CA8: variants seen among roughly 807,000 people sequenced by gnomAD.
CA8 encodes the protein carbonic anhydrase 8 (inactive), also known as carbonic anhydrase-related protein.
A neutral mutation model predicts 41.4 loss-of-function variants in CA8; 22 were observed. The observed-to-expected ratio is 0.53, with a 90% CI of 0.38 to 0.76. CA8 has a LOEUF of 0.76. Ranked by LOEUF, CA8 falls within the 30% of genes least tolerant of loss-of-function variation. The pLI is 0.00. For missense variants in CA8, 270 were observed against 352.8 expected (o/e 0.77, Z 1.88); for synonymous variants, 121 against 130.6 (o/e 0.93, Z 0.50).
chr8:60,264,733 CA>C (rs1249959234), intron 3 of CA8: 1 of 152,240 alleles, frequency 6.6e-6, no homozygotes. Context: ...TTCTTCTCTC[CA>C]GCCTTAAAAC....
chr8:60,248,226 C>T (rs1335230339), intron 3 of CA8, among the ~76,000 whole-genome samples: 1 of 152,050 alleles, frequency 6.6e-6, no homozygotes, highest in Non-Finnish European at 1.5e-5. Context: ...ATGATACTTT[C>T]TTTTGCTGTA....
Position 60,188,796 on chromosome 8 carries a change from G to C in CA8, c.*1225C>G, listed in dbSNP as rs1195802414. 2.6e-5 allele frequency: 4 copies of C among 152,016 alleles called. No individual in the cohort carries two copies. The highest frequency in any genetic ancestry group is 5.9e-5 in the Non-Finnish European group (4 of 68,002). The allele number at this position is 152,016 out of a possible 1,614,324, so 9.4% of individuals were successfully genotyped here. On this transcript the variant is annotated 3_prime_UTR_variant, in exon 9 of 9. Coordinates refer to ENST00000317995, the MANE Select transcript of CA8 (RefSeq NM_004056.6). ...CTTTGCTTGAATTTCAGGGATATCTGGTGTGATTTTCATTTGTATTTAATG... is the reference window on the plus strand; with the variant it reads ...CTTTGCTTGAATTTCAGGGATATCTCGTGTGATTTTCATTTGTATTTAATG...
chr8:60,223,592 T>C (rs1807323528), intron 6 of CA8, among the ~76,000 whole-genome samples: 1 of 152,234 alleles, frequency 6.6e-6, no homozygotes. Context: ...TGAAAGCCTG[T>C]ATTTTTAACC....
intron 2 of CA8, among the ~76,000 whole-genome samples, chr8:60,277,931 G>C (rs538322276): frequency 1.3e-5 from 2 of 152,144 alleles, no homozygotes; most frequent in Non-Finnish European, 2.9e-5. Context: ...AGGAAAAAAG[G>C]GTTCTGGATC....
At chr8:60,202,112 CG>C (rs1806450475) in intron 8 of CA8, among the ~76,000 whole-genome samples, 2 of 150,826 alleles carry the variant, frequency 1.3e-5, no homozygotes, top group South Asian at 4.2e-4. Flanking sequence ...GGCACGATCT[CG>C]GATCACTGCA....
At chr8:60,233,499 T>C (rs1471706611) in intron 3 of CA8, among the ~76,000 whole-genome samples, 1 of 152,220 alleles carries the variant, frequency 6.6e-6, no homozygotes, top group Non-Finnish European at 1.5e-5. Flanking sequence ...CAGGTCAGGC[T>C]GTGAGGCTGT....
intron 8 of CA8, chr8:60,208,162 T>C (rs1262790167): frequency 6.5e-5 from 10 of 153,362 alleles, no homozygotes; most frequent in Admixed American, 5.2e-4. Context: ...TTGAATTCTA[T>C]ATATTAAAAT....
In CA8 at chr8:60,186,790, TA is replaced by T. The variant is rs58529365; in HGVS notation, c.*3230del. 0.29 allele frequency among the ~76,000 whole-genome samples: 43,278 copies of T among 151,590 alleles called. 6,411 individuals are homozygous for T. Among genetic ancestry groups the T allele is most frequent in the Middle Eastern group, 0.4 (118 of 294 alleles). ...ATATCTGACAAAGTATATATTAAAA[TA>T]AAAAAATGTTACTAGAGATAAAGAA... On this transcript the variant is annotated 3_prime_UTR_variant, in exon 9 of 9. Coordinates refer to ENST00000317995, the MANE Select transcript of CA8 (RefSeq NM_004056.6).
chr8:60,209,453 C>A (rs1254657798), intron 7 of CA8, among the ~76,000 whole-genome samples: 1 of 152,190 alleles, frequency 6.6e-6, no homozygotes, highest in African/African-American at 2.4e-5. Context: ...CCGTTGCACT[C>A]CAGCCTGAGT....
At position 60,247,437 on chromosome 8, in the gene CA8, G is replaced by A. The variant is rs113775716; in HGVS notation, c.418-15058C>T. ...CCACCCCCAACAGGCCATGGTGTGT[G>A]TTGTTCCCCTCCCTGTATCCACGTG... On this transcript the variant is annotated intron_variant, in intron 3 of 8. Transcript: ENST00000317995. Among the ~76,000 whole-genome samples, 1,297 of 152,204 alleles carry A rather than the reference G, an allele frequency of 8.5e-3. 18 individuals carry two copies. Among genetic ancestry groups the A allele is most frequent in the African/African-American group, 0.029 (1,213 of 41,522 alleles).
At chr8:60,240,175 G>A (rs1209892709) in intron 3 of CA8, among the ~76,000 whole-genome samples, 2 of 152,222 alleles carry the variant, frequency 1.3e-5, no homozygotes, top group Non-Finnish European at 2.9e-5. Flanking sequence ...GACAGTGTGG[G>A]CATCAATACT....
chr8:60,265,738 C>T (rs1490194450), intron 3 of CA8, 187 bp downstream of exon 3: 7 of 631,746 alleles, frequency 1.1e-5, no homozygotes, highest in South Asian at 7.7e-5. Flanking sequence ...CGCCAAGCCA[C>T]GAGAGTAGAC....
At chr8:60,208,605 G>A in intron 8 of CA8, 145 bp downstream of exon 8, 1 of 699,462 alleles carries the variant, frequency 1.4e-6, no homozygotes, top group Non-Finnish European at 2.5e-6. Context: ...GTAATTAACA[G>A]AGCTCAAGAA....
intron 5 of CA8, among the ~76,000 whole-genome samples, chr8:60,225,642 G>A (rs1175768539): frequency 2.0e-5 from 3 of 152,176 alleles, no homozygotes; most frequent in African/African-American, 4.8e-5. Context: ...CTAGTATAAA[G>A]CTAATCAAAC....
At chr8:60,264,931 A>G (rs1159296393) in intron 3 of CA8, 1 of 152,160 alleles carries the variant, frequency 6.6e-6, no homozygotes, top group Non-Finnish European at 1.5e-5. Flanking sequence ...GTGGTACTGG[A>G]TATTGCATCT....
intron 3 of CA8, among the ~76,000 whole-genome samples, chr8:60,263,507 A>G (rs1803804447): frequency 6.6e-6 from 1 of 152,136 alleles, no homozygotes; most frequent in Non-Finnish European, 1.5e-5. Flanking sequence ...AATGTAAGTA[A>G]AATATGGAAC....
intron 4 of CA8, 136 bp from the exon 5 acceptor site, chr8:60,227,071 C>T (rs1308277861): frequency 2.8e-6 from 2 of 717,534 alleles, no homozygotes; most frequent in Non-Finnish European, 5.2e-6. Flanking sequence ...TTGGGTGGAT[C>T]ACAAGGTTAG....
At chr8:60,276,691 G>A (rs1235134272) in intron 2 of CA8, among the ~76,000 whole-genome samples, 5 of 152,050 alleles carry the variant, frequency 3.3e-5, no homozygotes, top group Admixed American at 6.5e-5. Flanking sequence ...CTAAAAGCCC[G>A]GACTCCACCA....
chr8:60,232,851 A>G (rs1807703415), intron 3 of CA8, among the ~76,000 whole-genome samples: 1 of 152,208 alleles, frequency 6.6e-6, no homozygotes, highest in African/African-American at 2.4e-5. Flanking sequence ...CTTTCTAAGA[A>G]TATTCAGAGA....
Sources: allele counts gnomAD v4.1 joint callset (sites outside exome capture counted in the v4.1 genomes callset), GRCh38; gene constraint gnomAD v4.1.1; transcripts MANE v1.5; gene names NCBI Gene and HGNC (gene_info 2026-07-23, HGNC 2026-07-21).